HTR7: variants seen among roughly 807,000 people sequenced by gnomAD.
HTR7 encodes 5-HT-7.
In HTR7, 16 loss-of-function variants were observed where a neutral mutation model predicts 34.0. That is an observed-to-expected ratio of 0.47 (90% CI 0.32 to 0.71). The LOEUF (loss-of-function observed/expected upper bound fraction) is 0.71. HTR7 is among the 30% of genes least tolerant of loss of function. HTR7 has a pLI of 0.04. For synonymous variants in HTR7, 265 were observed against 260.2 expected, an observed-to-expected ratio of 1.02 and a Z score of -0.18; for missense variants, 504 against 625.5, an observed-to-expected ratio of 0.81 and a Z score of 2.07.
At chr10:90,804,845 TC>T (rs1179042102) in intron 1 of HTR7, among the ~76,000 whole-genome samples, 1 of 152,170 alleles carries the variant, frequency 6.6e-6, no homozygotes, top group Non-Finnish European at 1.5e-5. Flanking sequence ...TGTTCCTCCT[TC>T]CTCTTGCAAC....
In HTR7 at chr10:90,741,230, C is replaced by T. The variant is rs1465347631; in HGVS notation, c.*1252G>A. ...ATTTTTCCCCTTGTAGGTACAGGTA[C>T]TCTTCTATTCTCATCTACTGTCTTT... is the stretch of plus-strand genomic sequence containing the variant. On this transcript the variant is annotated 3_prime_UTR_variant, in exon 4 of 4. Coordinates refer to ENST00000336152, the MANE Select transcript of HTR7 (RefSeq NM_019859.4). 6.6e-6 allele frequency: 1 copy of T among 152,570 alleles called. No individual in the cohort carries two copies. The highest frequency in any genetic ancestry group is 6.5e-5 in the Admixed American group (1 of 15,268). The allele number at this position is 152,570 out of a possible 1,614,324, so 9.5% of individuals were successfully genotyped here. A position where few individuals can be genotyped will look rare whatever the true frequency, so the allele number is the denominator to read the frequency against.
intron 3 of HTR7, 108 bp downstream of exon 3, chr10:90,743,485 G>T: frequency 1.1e-6 from 1 of 890,722 alleles, no homozygotes; most frequent in East Asian, 2.5e-5. Flanking sequence ...CAGCACAGGA[G>T]AGACAGTGCT....
At chr10:90,800,996 C>CT (rs1845616774) in intron 1 of HTR7, among the ~76,000 whole-genome samples, 1 of 152,190 alleles carries the variant, frequency 6.6e-6, no homozygotes, top group Admixed American at 6.5e-5. Flanking sequence ...GAGATTCTCT[C>CT]TGACAGATTG....
intron 1 of HTR7, among the ~76,000 whole-genome samples, chr10:90,809,775 G>A (rs547122890): frequency 8.8e-4 from 134 of 152,178 alleles, no homozygotes; most frequent in Non-Finnish European, 1.4e-3. Flanking sequence ...TCCCATCTGT[G>A]CAGGACCCCA....
chr10:90,801,443 C>A (rs552300501), intron 1 of HTR7, among the ~76,000 whole-genome samples: 13 of 152,262 alleles, frequency 8.5e-5, no homozygotes, highest in African/African-American at 3.1e-4. Context: ...TATTTTACCC[C>A]CCAAAATATA....
chr10:90,788,609 T>C (rs1376708787), intron 1 of HTR7, among the ~76,000 whole-genome samples: 1 of 152,218 alleles, frequency 6.6e-6, no homozygotes, highest in East Asian at 1.9e-4. Context: ...TATTAGCTAA[T>C]TGTGATATCA....
chr10:90,835,647 A>C (rs1036234136), intron 1 of HTR7, among the ~76,000 whole-genome samples: 1 of 152,222 alleles, frequency 6.6e-6, no homozygotes, highest in Non-Finnish European at 1.5e-5. Flanking sequence ...AGGAGCTGGA[A>C]GAAAACACAG....
chr10:90,854,553 ACAGAT>A (rs67709815), intron 1 of HTR7, among the ~76,000 whole-genome samples: 31,818 of 151,932 alleles, frequency 0.21, 4,123 homozygotes, highest in African/African-American at 0.36. Flanking sequence ...CACATGCAGG[ACAGAT>A]CAGATTGTTT....
At chr10:90,811,019 A>G (rs1464861364) in intron 1 of HTR7, among the ~76,000 whole-genome samples, 3 of 152,170 alleles carry the variant, frequency 2.0e-5, no homozygotes, top group Admixed American at 6.5e-5. Context: ...TCACAAAAAG[A>G]AACCTAGCTG....
intron 1 of HTR7, among the ~76,000 whole-genome samples, chr10:90,809,146 C>G (rs1240044143): frequency 1.3e-5 from 2 of 152,168 alleles, no homozygotes; most frequent in Non-Finnish European, 2.9e-5. Flanking sequence ...TCTTCCTCAG[C>G]CCCCTCTTCT....
At chr10:90,744,674 C>A (rs1022395751) in intron 2 of HTR7, among the ~76,000 whole-genome samples, 2 of 152,114 alleles carry the variant, frequency 1.3e-5, no homozygotes, top group African/African-American at 4.8e-5. Context: ...GCCACCCAGA[C>A]TTGTGACAAC....
intron 1 of HTR7, among the ~76,000 whole-genome samples, chr10:90,750,183 A>G (rs1411495245): frequency 6.6e-6 from 1 of 152,220 alleles, no homozygotes; most frequent in Non-Finnish European, 1.5e-5. Flanking sequence ...TATTATCATT[A>G]TTATTGTTAT....
intron 1 of HTR7, among the ~76,000 whole-genome samples, chr10:90,845,149 C>A (rs1429851974): frequency 6.6e-6 from 1 of 152,152 alleles, no homozygotes; most frequent in Non-Finnish European, 1.5e-5. Context: ...ACTCAAATGT[C>A]TAGCAAATCA....
chr10:90,814,734 CA>C (rs1201632399), intron 1 of HTR7, among the ~76,000 whole-genome samples: 2 of 152,114 alleles, frequency 1.3e-5, no homozygotes, highest in African/African-American at 4.8e-5. Context: ...GGGGTTAAAA[CA>C]AAGGTCTTAG....
intron 1 of HTR7, among the ~76,000 whole-genome samples, chr10:90,802,636 G>A (rs1029778006): frequency 2.0e-5 from 3 of 152,196 alleles, no homozygotes; most frequent in Admixed American, 2.0e-4. Context: ...TAGCGTTATA[G>A]CTAGCCTTAA....
intron 1 of HTR7, among the ~76,000 whole-genome samples, chr10:90,796,472 A>G (rs1165215619): frequency 3.9e-5 from 6 of 152,200 alleles, no homozygotes; most frequent in East Asian, 1.9e-4. Flanking sequence ...ATTTTAGACC[A>G]GGTGTGGTGG....
chr10:90,793,338 G>A (rs952982356), intron 1 of HTR7, among the ~76,000 whole-genome samples: 5 of 151,430 alleles, frequency 3.3e-5, no homozygotes, highest in Non-Finnish European at 5.9e-5. Flanking sequence ...AATAACATAC[G>A]GGCAGAACTT....
intron 1 of HTR7, among the ~76,000 whole-genome samples, chr10:90,843,830 TATGG>T: frequency 6.6e-6 from 1 of 152,370 alleles, no homozygotes; most frequent in South Asian, 2.1e-4. Context: ...TCTGTTTTTG[TATGG>T]CCCCCAGCTA....
intron 1 of HTR7, among the ~76,000 whole-genome samples, chr10:90,771,145 A>G (rs954013711): frequency 6.6e-6 from 1 of 151,918 alleles, no homozygotes; most frequent in Non-Finnish European, 1.5e-5. Context: ...TGTTGGGAAG[A>G]CCTGCCTGCA....
Sources: gnomAD v4.1 joint callset for allele counts (sites outside exome capture counted in the v4.1 genomes callset) on GRCh38, gnomAD v4.1.1 for gene constraint, MANE v1.5 for transcripts, NCBI Gene and HGNC (gene_info 2026-07-23, HGNC 2026-07-21) for gene names.